NMS: variants seen among roughly 807,000 people sequenced by gnomAD.
NMS encodes the protein neuromedin-S.
Under a neutral mutation model 32.2 loss-of-function variants are expected in NMS, and 30 were observed. The observed-to-expected ratio is 0.93, with a 90% CI of 0.70 to 1.26. NMS has a LOEUF of 1.26. Among genes scored for constraint, NMS ranks in the 50% most tolerant of loss-of-function variants. NMS has a pLI of 0.00. For missense variants in NMS, 190 were observed against 186.3 expected, an observed-to-expected ratio of 1.02 and a Z score of -0.12; for synonymous variants, 76 against 58.5, an observed-to-expected ratio of 1.30 and a Z score of -1.37.
Position 100,477,419 on chromosome 2 carries a change from G to A in NMS, c.261+5G>A, listed in dbSNP as rs375130373. 1.9e-6 allele frequency: 3 copies of A among 1,606,896 alleles called. No individual in the cohort carries two copies. Among genetic ancestry groups the A allele is most frequent in the Non-Finnish European group, 2.6e-6 (3 of 1,173,970 alleles). ...ACACATCCAGTTAAAACTGGGGTCAGTATTTTATTATAATCATCTGTCTGT... is the reference window on the plus strand; with the variant it reads ...ACACATCCAGTTAAAACTGGGGTCAATATTTTATTATAATCATCTGTCTGT... On this transcript the variant is annotated splice_donor_5th_base_variant and intron_variant, in intron 5 of 9. Coordinates refer to ENST00000376865, the MANE Select transcript of NMS (RefSeq NM_001011717.1).
rs140659426 is a variant in NMS, at chr2:100,473,212, G to C, written c.133-277G>C. Among the ~76,000 whole-genome samples, 827 of 152,254 alleles carry C rather than the reference G, an allele frequency of 5.4e-3. 13 individuals are homozygous for C. The highest frequency in any genetic ancestry group is 0.019 in the African/African-American group (798 of 41,550). On this transcript the variant is annotated intron_variant, in intron 2 of 9. Transcript: ENST00000376865. ...TGTGATATTCTGATACTTTCATATA[G>C]TGTGTTACAACCAAGTTGGGGGAAA...
intron 8 of NMS, among the ~76,000 whole-genome samples, chr2:100,481,637 A>G: frequency 6.6e-6 from 1 of 152,188 alleles, no homozygotes; most frequent in East Asian, 1.9e-4. Context: ...CAGTATTTGC[A>G]CAGAAAAAAT....
chr2:100,471,751 A>G (rs934364481), intron 1 of NMS, among the ~76,000 whole-genome samples: 4 of 152,172 alleles, frequency 2.6e-5, no homozygotes, highest in Non-Finnish European at 5.9e-5. Flanking sequence ...ATCACCAAAA[A>G]CTTCTTTAGG....
intron 8 of NMS, among the ~76,000 whole-genome samples, chr2:100,481,961 G>A (rs749932572): frequency 1.1e-4 from 16 of 152,242 alleles, no homozygotes; most frequent in Admixed American, 2.0e-4. Context: ...TCTCCTTGAC[G>A]TCTCCAGACT....
At chr2:100,476,714 T>A (rs1573235488) in intron 3 of NMS, among the ~76,000 whole-genome samples, 1 of 152,302 alleles carries the variant, frequency 6.6e-6, no homozygotes, top group African/African-American at 2.4e-5. Flanking sequence ...TTGAGTCAGA[T>A]AAGCGCACAT....
chr2:100,480,430 T>G, intron 6 of NMS, 66 bp from the exon 7 acceptor site: 1 of 1,546,810 alleles, frequency 6.5e-7, no homozygotes, highest in Non-Finnish European at 8.9e-7. Context: ...GCAGGATCAC[T>G]GCAAGACAAC....
chr2:100,477,167 A>G, intron 3 of NMS, 77 bp from the exon 4 acceptor site: 10 of 1,216,538 alleles, frequency 8.2e-6, no homozygotes, highest in Non-Finnish European at 9.8e-6. Flanking sequence ...TCCATGGTGT[A>G]CCTTATACAG....
intron 6 of NMS, among the ~76,000 whole-genome samples, chr2:100,479,741 CCTGT>C (rs1307503646): frequency 6.6e-6 from 1 of 152,166 alleles, no homozygotes; most frequent in Admixed American, 6.5e-5. Context: ...TTTCACTTCC[CCTGT>C]CTCTTTCTCC....
chr2:100,477,396 A>G lies in NMS; in HGVS notation c.243A>G (p.Thr81=). 6.2e-7 allele frequency: 1 copy of G among 1,613,050 alleles called. No homozygotes were observed. Among genetic ancestry groups the G allele is most frequent in the Non-Finnish European group, 8.5e-7 (1 of 1,179,156 alleles). The change falls in exon 5 of 10, where the codon ACA becomes ACG. Residue 81 remains threonine, a synonymous_variant. Coordinates refer to ENST00000376865, the MANE Select transcript of NMS (RefSeq NM_001011717.1). The part of the protein sequence containing the change: ...LFHYSRTQEA[T]HPVKTGFPPV... ...ACTACTCCAGAACTCAGGAGGCAAC[A>G]CATCCAGTTAAAACTGGGGTCAGTA... is the stretch of plus-strand genomic sequence containing the variant.
Position 100,482,586 on chromosome 2 carries a change from TG to T in NMS, c.449+276del, listed in dbSNP as rs1038426537. Reference sequence around the variant, plus strand: ...GAGGCATGTGGTCTCCAGCTGTCACTGCGATGGGGATGCAGGCTCATTGCAG... The same window carrying T: ...GAGGCATGTGGTCTCCAGCTGTCACTCGATGGGGATGCAGGCTCATTGCAG... On this transcript the variant is annotated intron_variant, in intron 9 of 9. Coordinates refer to ENST00000376865, the MANE Select transcript of NMS (RefSeq NM_001011717.1). Among the ~76,000 whole-genome samples the T allele has an allele frequency of 7.2e-5, 11 of 152,200 alleles. No individual in the cohort carries two copies. In the South Asian group the frequency reaches 8.3e-4, roughly 11 times the overall value.
At position 100,479,004 on chromosome 2, in the gene NMS, G is replaced by A. The variant is rs374567598; in HGVS notation, c.262-349G>A. 4.6e-5 allele frequency among the ~76,000 whole-genome samples: 7 copies of A among 152,264 alleles called. No individual in the cohort carries two copies. The East Asian group carries it at 1.4e-3, about 29-fold the overall frequency. The stretch of plus-strand genomic sequence containing the variant: ...CTGCCCTCCACCTTTTCCCTTGGAT[G>A]AGGAGCTCACCCCTGGAGAGGGAGA... On this transcript the variant is annotated intron_variant, in intron 5 of 9. Coordinates refer to ENST00000376865, the MANE Select transcript of NMS (RefSeq NM_001011717.1).
intron 6 of NMS, among the ~76,000 whole-genome samples, chr2:100,480,138 C>A (rs888406730): frequency 5.3e-5 from 8 of 152,318 alleles, no homozygotes; most frequent in African/African-American, 1.9e-4. Flanking sequence ...ATTCTTACAC[C>A]AGTTTCACAG....
intron 6 of NMS, among the ~76,000 whole-genome samples, 182 bp from the exon 7 acceptor site, chr2:100,480,314 A>G (rs886373671): frequency 6.6e-6 from 1 of 152,270 alleles, no homozygotes. Context: ...CTTCTTGAGC[A>G]GGAGCTTGCT....
intron 8 of NMS, among the ~76,000 whole-genome samples, chr2:100,481,965 C>A (rs1419314177): frequency 6.6e-6 from 1 of 152,180 alleles, no homozygotes; most frequent in Admixed American, 6.5e-5. Flanking sequence ...CTTGACGTCT[C>A]CAGACTGGGC....
intron 6 of NMS, among the ~76,000 whole-genome samples, chr2:100,479,840 TTTTA>T (rs1194055703): frequency 1.3e-5 from 2 of 152,256 alleles, no homozygotes; most frequent in African/African-American, 4.8e-5. Flanking sequence ...CTTCTTTCAT[TTTTA>T]TTTTTTAATT....
chr2:100,472,713 T>C (rs1314886000), intron 1 of NMS, 82 bp from the exon 2 acceptor site: 44 of 853,478 alleles, frequency 5.2e-5, no homozygotes, highest in Non-Finnish European at 4.7e-5. Context: ...TAACAGAATG[T>C]CTGTTTTTCA....
rs762526094 is a variant in NMS, at chr2:100,479,432, G to A, written c.336+5G>A. ...ATGAAGAGAATTCTGCAGCGAGTAC[G>A]TGCTTTTATTCTTCCACCATAGTTT... On this transcript the variant is annotated splice_donor_5th_base_variant and intron_variant, in intron 6 of 9. Coordinates refer to ENST00000376865, the MANE Select transcript of NMS (RefSeq NM_001011717.1). The A allele has an allele frequency of 3.3e-5, 53 of 1,608,208 alleles. No homozygotes were observed. The highest frequency in any genetic ancestry group is 4.3e-5 in the Non-Finnish European group (51 of 1,177,026).
rs570148200 is a variant in NMS, at chr2:100,482,264, CT to C, written c.415-4del. On this transcript the variant is annotated splice_polypyrimidine_tract_variant and intron_variant, in intron 8 of 9. Coordinates refer to ENST00000376865, the MANE Select transcript of NMS (RefSeq NM_001011717.1). ...GTGTCTCAGTATTCATAAGTTGCTCCTTTTTTTTTCAGCCCAGGAATGGAAG... is the reference window on the plus strand; with the variant it reads ...GTGTCTCAGTATTCATAAGTTGCTCCTTTTTTTTCAGCCCAGGAATGGAAG... The C allele has an allele frequency of 3.5e-5, 55 of 1,586,536 alleles. No homozygotes were observed. Among genetic ancestry groups the C allele is most frequent in the African/African-American group, 1.1e-4 (8 of 73,762 alleles).
At chr2:100,481,564 A>G (rs571156702) in intron 8 of NMS, among the ~76,000 whole-genome samples, 2 of 152,350 alleles carry the variant, frequency 1.3e-5, no homozygotes, top group South Asian at 4.1e-4. Flanking sequence ...TCACAGAGTC[A>G]GAAGAGTTAT....
Sources: allele counts gnomAD v4.1 joint callset (sites outside exome capture counted in the v4.1 genomes callset), GRCh38; gene constraint gnomAD v4.1.1; transcripts MANE v1.5; gene names NCBI Gene and HGNC (gene_info 2026-07-23, HGNC 2026-07-21).